The following MAP4K3 variants were observed in gnomAD, a reference collection of about 807,000 sequenced individuals.
The protein encoded by MAP4K3 is mitogen-activated protein kinase kinase kinase kinase 3, also known as MAPK/ERK kinase kinase kinase 3.
In MAP4K3, 94 loss-of-function variants were observed where a neutral mutation model predicts 143.5. The ratio of observed to expected loss-of-function variants is 0.65; its 90% CI spans 0.55 to 0.78. MAP4K3 has a LOEUF of 0.78. Among genes scored for constraint, MAP4K3 ranks in the 30% least tolerant of loss-of-function variants. The pLI is 0.00. For missense variants in MAP4K3, 1,077 were observed against 1,068.1 expected (o/e 1.01, Z -0.12); for synonymous variants, 416 against 347.2 (o/e 1.20, Z -2.20).
intron 1 of MAP4K3, among the ~76,000 whole-genome samples, chr2:39,401,307 T>A (rs557824980): frequency 3.3e-5 from 5 of 151,600 alleles, no homozygotes; most frequent in Admixed American, 6.6e-5. Context: ...TAGAGCAGAG[T>A]CACCAGAAAG....
At chr2:39,328,512 G>C (rs923049416) in intron 8 of MAP4K3, among the ~76,000 whole-genome samples, 3 of 152,084 alleles carry the variant, frequency 2.0e-5, no homozygotes, top group African/African-American at 7.3e-5. Flanking sequence ...TCAAGAAAAA[G>C]GCACAAATAT....
At chr2:39,369,241 G>A (rs1347905673) in intron 2 of MAP4K3, among the ~76,000 whole-genome samples, 1 of 68,158 alleles carries the variant, frequency 1.5e-5, no homozygotes, top group African/African-American at 5.0e-5. Flanking sequence ...TGTCACCCAG[G>A]CTAGAGTGCA....
chr2:39,378,234 T>G, intron 1 of MAP4K3, 111 bp from the exon 2 acceptor site: 1 of 605,274 alleles, frequency 1.7e-6, no homozygotes. Context: ...TTAAAAGAAA[T>G]GCAAATGTAA....
At chr2:39,312,672 A>T (rs1682981765) in intron 13 of MAP4K3, among the ~76,000 whole-genome samples, 1 of 152,232 alleles carries the variant, frequency 6.6e-6, no homozygotes, top group African/African-American at 2.4e-5. Flanking sequence ...TGGCCCTTAG[A>T]TCTGATAAGT....
rs1233755092 is a variant in MAP4K3, at chr2:39,437,103, A to C, written c.-116T>G. The stretch of plus-strand genomic sequence containing the variant: ...CCCGGCTCCCCCGGCGGTCACAATC[A>C]CCCGGCTCCACGCTGCGGCCGCCGC... On this transcript the variant is annotated 5_prime_UTR_variant, in exon 1 of 34. Transcript: ENST00000263881. The C allele has an allele frequency of 5.3e-5, 32 of 600,354 alleles. No homozygotes were observed. The highest frequency in any genetic ancestry group is 5.2e-5 in the Non-Finnish European group (20 of 383,398). The allele number at this position is 600,354 out of a possible 1,614,324, so 37.2% of individuals were successfully genotyped here.
chr2:39,436,427 T>C (rs1572525232), intron 1 of MAP4K3, among the ~76,000 whole-genome samples: 5 of 151,686 alleles, frequency 3.3e-5, no homozygotes, highest in South Asian at 2.1e-4. Flanking sequence ...TCGCTCAGCA[T>C]AGTATAATAA....
At chr2:39,393,398 A>G (rs539293539) in intron 1 of MAP4K3, among the ~76,000 whole-genome samples, 246 of 152,350 alleles carry the variant, frequency 1.6e-3, no homozygotes, top group Non-Finnish European at 3.0e-3. Flanking sequence ...ACAAGAGAAT[A>G]TACTTTTCAA....
At chr2:39,277,728 C>A (rs1360405308) in intron 24 of MAP4K3, among the ~76,000 whole-genome samples, 2 of 151,898 alleles carry the variant, frequency 1.3e-5, no homozygotes, top group Non-Finnish European at 2.9e-5. Context: ...CCATGCCCAG[C>A]TAATTTTTAT....
intron 23 of MAP4K3, among the ~76,000 whole-genome samples, chr2:39,279,059 C>CAGG (rs1681397316): frequency 6.6e-6 from 1 of 152,090 alleles, no homozygotes; most frequent in East Asian, 1.9e-4. Flanking sequence ...TTTCCCAGAG[C>CAGG]AGGAGCAGGA....
intron 1 of MAP4K3, among the ~76,000 whole-genome samples, chr2:39,401,365 C>A (rs1448282604): frequency 6.6e-6 from 1 of 152,134 alleles, no homozygotes; most frequent in African/African-American, 2.4e-5. Context: ...GGGAATAGTT[C>A]ATGCTCTCAT....
chr2:39,369,564 A>G (rs774361421), intron 2 of MAP4K3, among the ~76,000 whole-genome samples: 11 of 152,204 alleles, frequency 7.2e-5, no homozygotes, highest in Non-Finnish European at 1.3e-4. Flanking sequence ...ACTTCCAAAC[A>G]GGCCTAGTAC....
At chr2:39,419,252 A>G (rs1416528378) in intron 1 of MAP4K3, among the ~76,000 whole-genome samples, 1 of 152,170 alleles carries the variant, frequency 6.6e-6, no homozygotes, top group Non-Finnish European at 1.5e-5. Flanking sequence ...TTAAAAAAAA[A>G]CTAGATCCCT....
At chr2:39,272,255 C>G (rs1298114247) in intron 26 of MAP4K3, 28 bp downstream of exon 26, 1 of 1,464,790 alleles carries the variant, frequency 6.8e-7, no homozygotes, top group South Asian at 1.2e-5. Flanking sequence ...CTGTTAATAT[C>G]ATATTGCCTC....
At chr2:39,335,113 T>C (rs770160490) in intron 6 of MAP4K3, among the ~76,000 whole-genome samples, 5 of 152,018 alleles carry the variant, frequency 3.3e-5, no homozygotes, top group Non-Finnish European at 5.9e-5. Flanking sequence ...CAGAGAAACC[T>C]GGAGTATAAG....
At chr2:39,276,648 A>G (rs1173456816) in intron 24 of MAP4K3, among the ~76,000 whole-genome samples, 1 of 152,232 alleles carries the variant, frequency 6.6e-6, no homozygotes, top group African/African-American at 2.4e-5. Flanking sequence ...GATTTCATGA[A>G]GACTAAATAA....
At chr2:39,413,489 C>T (rs1169828289) in intron 1 of MAP4K3, among the ~76,000 whole-genome samples, 8 of 152,094 alleles carry the variant, frequency 5.3e-5, no homozygotes, top group Admixed American at 2.0e-4. Context: ...GAAAAACAAG[C>T]ACAATCACAA....
intron 20 of MAP4K3, among the ~76,000 whole-genome samples, chr2:39,287,676 C>A (rs1681856619): frequency 1.3e-5 from 2 of 152,080 alleles, no homozygotes; most frequent in African/African-American, 2.4e-5. Context: ...ATAGCACCTT[C>A]TAGTATTAAT....
In MAP4K3 at chr2:39,251,820, G is replaced by GT; in HGVS notation, c.2597+9dup. 6.2e-7 allele frequency: 1 copy of GT among 1,611,794 alleles called. No homozygotes were observed. Among genetic ancestry groups the GT allele is most frequent in the Non-Finnish European group, 8.5e-7 (1 of 1,178,156 alleles). On this transcript the variant is annotated intron_variant, in intron 33 of 33. Transcript: ENST00000263881. ...TAGTACTGTGTATTTAATACAGTCC[G>GT]TTTTCATACCTGTCAGATCCAAGCA... is the stretch of plus-strand genomic sequence containing the variant.
intron 4 of MAP4K3, among the ~76,000 whole-genome samples, chr2:39,338,965 T>C (rs1000586467): frequency 1.3e-5 from 2 of 152,248 alleles, no homozygotes; most frequent in Non-Finnish European, 2.9e-5. Context: ...GTCTCAGGCA[T>C]TTTGTTATAG....
Sources: gnomAD v4.1 joint callset for allele counts (sites outside exome capture counted in the v4.1 genomes callset) on GRCh38, gnomAD v4.1.1 for gene constraint, MANE v1.5 for transcripts, NCBI Gene and HGNC (gene_info 2026-07-23, HGNC 2026-07-21) for gene names.